The following RELN variants were observed in gnomAD, a reference collection of about 807,000 sequenced individuals.
RELN encodes the protein reelin.
Under a neutral mutation model 427.6 loss-of-function variants are expected in RELN, and 108 were observed. That is an observed-to-expected ratio of 0.25 (90% CI 0.22 to 0.30). The LOEUF (loss-of-function observed/expected upper bound fraction) is 0.30. Among genes scored for constraint, RELN ranks in the 10% least tolerant of loss-of-function variants. RELN has a pLI of 1.00. For synonymous variants in RELN, 1,524 were observed against 1,513.4 expected (o/e 1.01, Z -0.16); for missense variants, 3,715 against 4,302.8 (o/e 0.86, Z 3.82).
intron 11 of RELN, among the ~76,000 whole-genome samples, chr7:103,680,234 T>C (rs1039751185): frequency 6.6e-6 from 1 of 151,356 alleles, no homozygotes; most frequent in Non-Finnish European, 1.5e-5. Flanking sequence ...GAGAGACATA[T>C]TGGTATTTAT....
At chr7:103,948,502 G>A (rs539460938) in intron 1 of RELN, among the ~76,000 whole-genome samples, 43 of 152,018 alleles carry the variant, frequency 2.8e-4, no homozygotes, top group African/African-American at 8.2e-4. Flanking sequence ...GTGAAACCCC[G>A]TCTCTACTAA....
Position 103,856,219 on chromosome 7 carries a change from C to A in RELN, c.338-22547G>T, listed in dbSNP as rs182163908. On this transcript the variant is annotated intron_variant, in intron 2 of 64. Coordinates refer to ENST00000428762, the MANE Select transcript of RELN (RefSeq NM_005045.4). ...CAAGGTATAATAGAATATAATGCCACATAAAACGGGGGAGGGGCAAACTGG... is the reference window on the plus strand; with the variant it reads ...CAAGGTATAATAGAATATAATGCCAAATAAAACGGGGGAGGGGCAAACTGG... Among the ~76,000 whole-genome samples, 250 of 152,194 alleles carry A rather than the reference C, an allele frequency of 1.6e-3. 3 individuals carry two copies. Among genetic ancestry groups the A allele is most frequent in the African/African-American group, 5.5e-3 (230 of 41,538 alleles).
chr7:103,910,953 C>T lies in RELN; in HGVS notation c.337+6122G>A, dbSNP rs200020062. On this transcript the variant is annotated intron_variant, in intron 2 of 64. Coordinates refer to ENST00000428762, the MANE Select transcript of RELN (RefSeq NM_005045.4). ...AGGACATAGGCATGGGCAAGGACTT[C>T]ATGTCCAAAACACCAAAAGCAATGG... 7.2e-3 allele frequency among the ~76,000 whole-genome samples: 930 copies of T among 129,276 alleles called. 5 individuals carry two copies. The highest frequency in any genetic ancestry group is 0.026 in the East Asian group (98 of 3,704). 84.8% of individuals were successfully genotyped at this position (129,276 alleles called of 152,430 possible). A position where few individuals can be genotyped will look rare whatever the true frequency, so the allele number is the denominator to read the frequency against.
chr7:103,741,607 G>A (rs1340625634), intron 6 of RELN, among the ~76,000 whole-genome samples: 1 of 151,596 alleles, frequency 6.6e-6, no homozygotes, highest in African/African-American at 2.4e-5. Flanking sequence ...AAAAGTGGGA[G>A]AGAAAAGAGA....
At chr7:103,750,556 G>A (rs622657) in intron 5 of RELN, among the ~76,000 whole-genome samples, 74,650 of 151,996 alleles carry the variant, frequency 0.49, 18,528 homozygotes, top group Non-Finnish European at 0.54. Flanking sequence ...GACAGCGTCA[G>A]TGTCTAATTC....
intron 2 of RELN, among the ~76,000 whole-genome samples, chr7:103,905,912 G>A (rs1340357384): frequency 6.6e-6 from 1 of 152,090 alleles, no homozygotes; most frequent in Non-Finnish European, 1.5e-5. Context: ...TTTTAATAGA[G>A]GAGGTAAGTA....
chr7:103,522,326 C>G (rs1250442398), intron 47 of RELN, 127 bp from the exon 48 acceptor site: 3 of 921,228 alleles, frequency 3.3e-6, no homozygotes, highest in Non-Finnish European at 5.1e-6. Context: ...TTTCAGAGAG[C>G]TTGCCAGAAT....
intron 2 of RELN, among the ~76,000 whole-genome samples, chr7:103,875,793 C>T (rs1232522802): frequency 6.6e-6 from 1 of 151,960 alleles, no homozygotes; most frequent in Non-Finnish European, 1.5e-5. Context: ...ATGGAAATCA[C>T]CTTGGGACCT....
At chr7:103,540,593 T>C (rs956567322) in intron 43 of RELN, 138 bp from the exon 44 acceptor site, 2 of 762,444 alleles carry the variant, frequency 2.6e-6, no homozygotes, top group African/African-American at 3.5e-5. Context: ...TCCAAAGCAA[T>C]CACTTCAAAG....
intron 1 of RELN, among the ~76,000 whole-genome samples, chr7:103,926,591 CAT>C (rs1270538212): frequency 1.4e-5 from 2 of 146,276 alleles, no homozygotes; most frequent in African/African-American, 2.5e-5. Flanking sequence ...TCCTAATACA[CAT>C]AGTTAAACCG....
chr7:103,613,127 T>C (rs1381424412), intron 20 of RELN, among the ~76,000 whole-genome samples: 5 of 152,226 alleles, frequency 3.3e-5, no homozygotes, highest in Non-Finnish European at 5.9e-5. Flanking sequence ...TCAGTAACTC[T>C]GTGTAGTAGG....
chr7:103,915,719 A>G (rs1399636473), intron 2 of RELN, among the ~76,000 whole-genome samples: 1 of 152,190 alleles, frequency 6.6e-6, no homozygotes, highest in Non-Finnish European at 1.5e-5. Flanking sequence ...CTTATTCCAA[A>G]TATTGCATAC....
chr7:103,476,529 G>A (rs1396345207), intron 64 of RELN, among the ~76,000 whole-genome samples: 4 of 152,070 alleles, frequency 2.6e-5, no homozygotes, highest in African/African-American at 4.8e-5. Flanking sequence ...TCAAAGCATC[G>A]TGGAAACTAG....
chr7:103,509,479 C>T (rs899305032), intron 51 of RELN, among the ~76,000 whole-genome samples: 1 of 152,168 alleles, frequency 6.6e-6, no homozygotes, highest in Admixed American at 6.5e-5. Flanking sequence ...GGATCCCTTC[C>T]TTACACCTTA....
At chr7:103,926,082 T>C (rs1661807943) in intron 1 of RELN, among the ~76,000 whole-genome samples, 1 of 145,348 alleles carries the variant, frequency 6.9e-6, no homozygotes, top group South Asian at 2.2e-4. Context: ...AACATAAATA[T>C]ATGACCCCCA....
At chr7:103,553,608 C>T in intron 39 of RELN, 45 bp from the exon 40 acceptor site, 1 of 1,612,656 alleles carries the variant, frequency 6.2e-7, no homozygotes, top group Non-Finnish European at 8.5e-7. Flanking sequence ...GGCAAAAGTT[C>T]ATCATGATTT....
chr7:103,750,965 T>TGAATA (rs1790984203), intron 5 of RELN, among the ~76,000 whole-genome samples: 1 of 152,228 alleles, frequency 6.6e-6, no homozygotes, highest in Non-Finnish European at 1.5e-5. Flanking sequence ...ATATTTCTGC[T>TGAATA]GAATAGATGA....
intron 3 of RELN, among the ~76,000 whole-genome samples, chr7:103,828,415 G>C (rs1180811750): frequency 6.6e-6 from 1 of 151,482 alleles, no homozygotes; most frequent in African/African-American, 2.4e-5. Flanking sequence ...CCTTCTTGCT[G>C]ACCTAAGTTC....
chr7:103,650,273 C>A lies in RELN; in HGVS notation c.2002+1G>T. On this transcript the variant is annotated splice_donor_variant, in intron 16 of 64. Transcript: ENST00000428762. LOFTEE classifies it high-confidence loss of function. The stretch of plus-strand genomic sequence containing the variant: ...TGATTATGACAGGCATAAACACTAA[C>A]CATTATCAATTGCCCACATGTTTCC... The A allele has an allele frequency of 6.4e-7, 1 of 1,564,440 alleles. No homozygotes were observed. The highest frequency in any genetic ancestry group is 8.8e-7 in the Non-Finnish European group (1 of 1,135,060).
Sources: allele counts gnomAD v4.1 joint callset (sites outside exome capture counted in the v4.1 genomes callset), GRCh38; gene constraint gnomAD v4.1.1; transcripts MANE v1.5; gene names NCBI Gene and HGNC (gene_info 2026-07-23, HGNC 2026-07-21).